Variants in PDZRN3 observed in about 807,000 individuals in gnomAD.
PDZRN3 encodes E3 ubiquitin-protein ligase PDZRN3.
In PDZRN3, 38 loss-of-function variants were observed where a neutral mutation model predicts 85.7. The ratio of observed to expected loss-of-function variants is 0.44; its 90% confidence interval spans 0.34 to 0.58. The LOEUF (loss-of-function observed/expected upper bound fraction) is 0.58, where lower values mean the gene tolerates loss of function less well. Ranked by LOEUF, PDZRN3 falls within the 20% of genes least tolerant of loss-of-function variation. PDZRN3 has a pLI of 0.01. For synonymous variants in PDZRN3, 759 were observed against 638.0 expected, an observed-to-expected ratio of 1.19 and a Z score of -2.86; for missense variants, 1,629 against 1,506.4, an observed-to-expected ratio of 1.08 and a Z score of -1.35.
intron 3 of PDZRN3, among the ~76,000 whole-genome samples, chr3:73,454,865 G>C (rs1347799734): frequency 6.6e-6 from 1 of 151,638 alleles, no homozygotes; most frequent in Non-Finnish European, 1.5e-5. Flanking sequence ...CTATGTATTA[G>C]GATTTTACCC....
rs145138968 is a variant in PDZRN3, at chr3:73,526,718, C to T, written c.918+75636G>A. ...TGTTATTGTTTTTTCCAGACAGTCT[C>T]AGTCTGTTGCGCAGGCTGGAGTGCA... is the stretch of plus-strand genomic sequence containing the variant. On this transcript the variant is annotated intron_variant, in intron 3 of 9. Transcript: ENST00000263666. Among the ~76,000 whole-genome samples, 12 of 152,288 alleles carry T rather than the reference C, an allele frequency of 7.9e-5. No homozygotes were observed. In the East Asian group the frequency reaches 2.3e-3, roughly 29 times the overall value.
intron 3 of PDZRN3, among the ~76,000 whole-genome samples, chr3:73,448,890 C>T (rs927793500): frequency 2.6e-5 from 4 of 152,150 alleles, no homozygotes; most frequent in African/African-American, 9.7e-5. Flanking sequence ...ATATTTAAAA[C>T]CAGTCACCAT....
chr3:73,384,383 T>A lies in PDZRN3; in HGVS notation c.2183A>T (p.Asn728Ile), dbSNP rs192791434. The A allele has an allele frequency of 1.2e-6, 2 of 1,609,422 alleles. No homozygotes were observed. The highest frequency in any genetic ancestry group is 4.5e-5 in the East Asian group (2 of 44,866). Residue 728 changes from asparagine (N) to isoleucine (I), a missense_variant, in exon 10 of 10, where the codon AAC (asparagine) becomes ATC (isoleucine). By Grantham distance (149) the Asn-to-Ile change is moderately radical. Coordinates refer to ENST00000263666, the MANE Select transcript of PDZRN3 (RefSeq NM_015009.3). ...GCGCACGTCGATGCTGGTGTTGTAG[T>A]TGCGGAAGCCGCTGTTGTGCAGCAT... ...SWMLHNSGFR[N>I]YNTSIDVRRH... is the part of the protein sequence containing the mutation.
At chr3:73,458,095 T>C (rs1218155198) in intron 3 of PDZRN3, among the ~76,000 whole-genome samples, 1 of 152,204 alleles carries the variant, frequency 6.6e-6, no homozygotes, top group African/African-American at 2.4e-5. Context: ...AAATGTGGTC[T>C]GTCCTTGCTT....
chr3:73,620,146 C>T (rs1702831836), intron 1 of PDZRN3, among the ~76,000 whole-genome samples: 1 of 152,182 alleles, frequency 6.6e-6, no homozygotes, highest in Admixed American at 6.5e-5. Context: ...AAAATGTTGG[C>T]AGTGCTGATT....
intron 3 of PDZRN3, among the ~76,000 whole-genome samples, chr3:73,576,006 AAG>A (rs774146539): frequency 2.6e-5 from 4 of 152,158 alleles, no homozygotes; most frequent in Non-Finnish European, 5.9e-5. Flanking sequence ...ACAGGAGAAA[AAG>A]AGAGAAAAAT....
chr3:73,535,496 C>T (rs1339381096), intron 3 of PDZRN3, among the ~76,000 whole-genome samples: 1 of 152,198 alleles, frequency 6.6e-6, no homozygotes, highest in East Asian at 1.9e-4. Flanking sequence ...ATCAGCCAAG[C>T]CATGGGCTAT....
intron 3 of PDZRN3, among the ~76,000 whole-genome samples, chr3:73,506,071 T>A (rs1411998091): frequency 6.6e-6 from 1 of 152,124 alleles, no homozygotes; most frequent in Non-Finnish European, 1.5e-5. Context: ...TCCACTGTGA[T>A]CCCCTCCATC....
chr3:73,477,985 A>T (rs541826123), intron 3 of PDZRN3, among the ~76,000 whole-genome samples: 4 of 152,266 alleles, frequency 2.6e-5, no homozygotes, highest in African/African-American at 9.6e-5. Flanking sequence ...CCCATGATTC[A>T]ATTACCTCCC....
chr3:73,390,015 G>C, intron 6 of PDZRN3, 137 bp from the exon 7 acceptor site: 1 of 706,104 alleles, frequency 1.4e-6, no homozygotes. Flanking sequence ...ACAAGACTTA[G>C]TGTCGTGCAA....
chr3:73,445,631 G>C (rs910156950), intron 3 of PDZRN3, among the ~76,000 whole-genome samples: 1 of 152,156 alleles, frequency 6.6e-6, no homozygotes, highest in Non-Finnish European at 1.5e-5. Flanking sequence ...TGGTTTAAGA[G>C]AAAAATGCTT....
intron 7 of PDZRN3, among the ~76,000 whole-genome samples, chr3:73,389,409 G>C (rs541232040): frequency 6.6e-6 from 1 of 152,304 alleles, no homozygotes; most frequent in Admixed American, 6.5e-5. Context: ...TTATGGACGA[G>C]CCTCTGAAAT....
chr3:73,534,556 G>C (rs1018339158), intron 3 of PDZRN3, among the ~76,000 whole-genome samples: 2 of 152,180 alleles, frequency 1.3e-5, no homozygotes, highest in African/African-American at 4.8e-5. Context: ...TTGTAGAAAG[G>C]AATATGTTCA....
At chr3:73,590,749 A>T (rs1348716340) in intron 3 of PDZRN3, among the ~76,000 whole-genome samples, 1 of 152,134 alleles carries the variant, frequency 6.6e-6, no homozygotes, top group African/African-American at 2.4e-5. Flanking sequence ...AGTCCCCCTC[A>T]TATGTTAATA....
At chr3:73,507,510 G>A (rs949455328) in intron 3 of PDZRN3, among the ~76,000 whole-genome samples, 1 of 152,148 alleles carries the variant, frequency 6.6e-6, no homozygotes, top group Non-Finnish European at 1.5e-5. Context: ...TGAAGCACAC[G>A]TAAGGCATAG....
intron 3 of PDZRN3, among the ~76,000 whole-genome samples, chr3:73,593,067 C>A (rs924473613): frequency 6.7e-6 from 1 of 149,306 alleles, no homozygotes; most frequent in African/African-American, 2.5e-5. Flanking sequence ...TGTGTTACAG[C>A]AACAGATGAA....
intron 3 of PDZRN3, among the ~76,000 whole-genome samples, chr3:73,432,270 G>A (rs979667071): frequency 6.6e-6 from 1 of 152,216 alleles, no homozygotes; most frequent in Admixed American, 6.5e-5. Flanking sequence ...AAGGGATGGG[G>A]GCCAGATCGC....
At chr3:73,450,070 T>C (rs1702828142) in intron 3 of PDZRN3, among the ~76,000 whole-genome samples, 1 of 152,194 alleles carries the variant, frequency 6.6e-6, no homozygotes, top group South Asian at 2.1e-4. Context: ...TCTCTTTTTA[T>C]TAATTAAAGA....
intron 3 of PDZRN3, among the ~76,000 whole-genome samples, chr3:73,425,575 T>C (rs926159414): frequency 1.4e-5 from 2 of 147,822 alleles, no homozygotes; most frequent in African/African-American, 2.5e-5. Flanking sequence ...CTTGACAAGC[T>C]GAACACCAAA....
Sources: gnomAD v4.1 joint callset for allele counts (sites outside exome capture counted in the v4.1 genomes callset) on GRCh38, gnomAD v4.1.1 for gene constraint, MANE v1.5 for transcripts, NCBI Gene and HGNC (gene_info 2026-07-23, HGNC 2026-07-21) for gene names.